The following HAVCR2 variants were observed in gnomAD, a reference collection of about 807,000 sequenced individuals.
HAVCR2 encodes the protein T cell immunoglobulin mucin 3.
In HAVCR2, 13 loss-of-function variants were observed where a neutral mutation model predicts 24.7. That is an observed-to-expected ratio of 0.53 (90% confidence interval 0.34 to 0.84). HAVCR2 has a LOEUF of 0.84. HAVCR2 is among the 40% of genes least tolerant of loss of function. The probability of loss-of-function intolerance (pLI) is 0.01; values close to 1 mark genes in which losing one functional copy is unlikely to be tolerated. For missense variants in HAVCR2, 343 were observed against 371.2 expected (o/e 0.92, Z 0.62); for synonymous variants, 154 against 143.4 (o/e 1.07, Z -0.53).
At chr5:157,105,211 T>G (rs1424043787) in intron 2 of HAVCR2, among the ~76,000 whole-genome samples, 1 of 151,968 alleles carries the variant, frequency 6.6e-6, no homozygotes, top group Non-Finnish European at 1.5e-5. Context: ...ACTACAGGCA[T>G]GTGCAACCAC....
At position 157,101,678 on chromosome 5, in the gene HAVCR2, C is replaced by T. The variant is rs79822429; in HGVS notation, c.479-2777G>A. Among the ~76,000 whole-genome samples, 636 of 152,258 alleles carry T rather than the reference C, an allele frequency of 4.2e-3. 8 individuals carry two copies. The highest frequency in any genetic ancestry group is 0.014 in the African/African-American group (598 of 41,556). ...TAGAGCTGAGGACTCACCTGTGACC[C>T]AGTCCTTACTCCTTCAGGTAGAAGA... On this transcript the variant is annotated intron_variant, in intron 3 of 6. Transcript: ENST00000307851.
intron 4 of HAVCR2, among the ~76,000 whole-genome samples, chr5:157,097,894 C>G (rs914211473): frequency 5.9e-5 from 9 of 152,046 alleles, no homozygotes; most frequent in African/African-American, 2.2e-4. Flanking sequence ...GTCACTGCGC[C>G]CAGCCAGTTT....
rs1158576032 is a variant in HAVCR2, at chr5:157,085,846, A to AT, written c.*1255dup. 6 of 152,178 alleles carry AT rather than the reference A, an allele frequency of 3.9e-5. No individual in the cohort carries two copies. Among genetic ancestry groups the AT allele is most frequent in the African/African-American group, 1.4e-4 (6 of 41,434 alleles). 9.4% of individuals were successfully genotyped at this position (152,178 alleles called of 1,614,324 possible). A position where few individuals can be genotyped will look rare whatever the true frequency, so the allele number is the denominator to read the frequency against. ...AACAAACAAAAAACAGTAAAAAAAA[A>AT]TTTTTAGTAAGTTCCAATTGTGTGT... On this transcript the variant is annotated 3_prime_UTR_variant, in exon 7 of 7. Coordinates refer to ENST00000307851, the MANE Select transcript of HAVCR2 (RefSeq NM_032782.5).
In HAVCR2 at chr5:157,092,672, C is replaced by G. The variant is rs1463046004; in HGVS notation, c.676+2634G>C. ...CGTTGGTCAGGCTGGTCTCAAACTC[C>G]CAGCCTCAGGTTATCCACTCACCTC... On this transcript the variant is annotated intron_variant, in intron 5 of 6. Coordinates refer to ENST00000307851, the MANE Select transcript of HAVCR2 (RefSeq NM_032782.5). Among the ~76,000 whole-genome samples the G allele has an allele frequency of 2.0e-5, 3 of 151,466 alleles. No homozygotes were observed. The East Asian group carries it at 5.9e-4, about 30-fold the overall frequency.
At position 157,106,742 on chromosome 5, in the gene HAVCR2, C is replaced by T. The variant is rs1349370000; in HGVS notation, c.279G>A (p.Val93=). ...GAGTCACATTCTCTATGGTCAGGGA[C>T]ACATCTCCTTTGCGGAAATCCCCAT... is the stretch of plus-strand genomic sequence containing the variant. ...WLNGDFRKGD[V]SLTIENVTLA... is the part of the protein sequence containing the mutation. The change falls in exon 2 of 7, where the codon GTG becomes GTA. Residue 93 remains valine (V), a synonymous_variant. Transcript: ENST00000307851. 6.2e-7 allele frequency: 1 copy of T among 1,614,176 alleles called. No individual in the cohort carries two copies.
At chr5:157,108,878 T>A in intron 1 of HAVCR2, 48 bp downstream of exon 1, 2 of 1,578,678 alleles carry the variant, frequency 1.3e-6, no homozygotes, top group East Asian at 4.5e-5. Flanking sequence ...TCCCTTGTCC[T>A]CTGTACAGCA....
chr5:157,098,750 G>A, intron 4 of HAVCR2, 108 bp downstream of exon 4: 1 of 951,292 alleles, frequency 1.1e-6, no homozygotes, highest in Non-Finnish European at 1.6e-6. Flanking sequence ...GAAGCTAAGG[G>A]AACTTAAGGC....
intron 3 of HAVCR2, among the ~76,000 whole-genome samples, chr5:157,104,249 G>T (rs1394809144): frequency 6.6e-6 from 1 of 152,082 alleles, no homozygotes; most frequent in East Asian, 1.9e-4. Flanking sequence ...GAAGGTGATG[G>T]GCTTTATTCT....
chr5:157,104,563 G>C, intron 3 of HAVCR2, 103 bp downstream of exon 3: 1 of 735,348 alleles, frequency 1.4e-6, no homozygotes, highest in Admixed American at 2.4e-5. Flanking sequence ...AGATATCCAT[G>C]CCTCCACTCT....
chr5:157,098,803 C>T lies in HAVCR2; in HGVS notation c.522+55G>A, dbSNP rs375075887. The T allele has an allele frequency of 7.8e-6, 12 of 1,531,698 alleles. No homozygotes were observed. In the African/African-American group the frequency reaches 1.1e-4, roughly 14 times the overall value. 94.9% of individuals were successfully genotyped at this position (1,531,698 alleles called of 1,614,324 possible). A position where few individuals can be genotyped will look rare whatever the true frequency, so the allele number is the denominator to read the frequency against. ...AGGTGGGCATGAAGGAAGTCTAAAG[C>T]CATGATTTCCCCTCCAAGTTGAGTA... On this transcript the variant is annotated intron_variant, in intron 4 of 6. Coordinates refer to ENST00000307851, the MANE Select transcript of HAVCR2 (RefSeq NM_032782.5).
At chr5:157,101,844 G>A (rs556048522) in intron 3 of HAVCR2, among the ~76,000 whole-genome samples, 55 of 150,232 alleles carry the variant, frequency 3.7e-4, no homozygotes, top group African/African-American at 1.3e-3. Flanking sequence ...GCACCAACTC[G>A]GCTCAGTGAA....
At position 157,089,013 on chromosome 5, in the gene HAVCR2, T is replaced by C. The variant is rs759897644; in HGVS notation, c.677-36A>G. 2.5e-6 allele frequency: 4 copies of C among 1,571,622 alleles called. No individual in the cohort carries two copies. The South Asian group carries it at 4.6e-5, about 18-fold the overall frequency. On this transcript the variant is annotated intron_variant, in intron 5 of 6. Transcript: ENST00000307851. ...GGAAACAAAAGCCAATAAAAATGCA[T>C]TCATAAAATAAATGAGACAAGAAAT...
chr5:157,108,801 G>A (rs1163959477), intron 1 of HAVCR2, 125 bp downstream of exon 1: 24 of 718,702 alleles, frequency 3.3e-5, no homozygotes, highest in Non-Finnish European at 5.0e-5. Context: ...CCTCATCGAC[G>A]GACATTTAGG....
chr5:157,097,703 G>T (rs572960688), intron 4 of HAVCR2, among the ~76,000 whole-genome samples: 1 of 152,192 alleles, frequency 6.6e-6, no homozygotes, highest in South Asian at 2.1e-4. Context: ...GGATTCAAGC[G>T]ATTCTCCTGT....
intron 3 of HAVCR2, among the ~76,000 whole-genome samples, chr5:157,099,205 C>G (rs190970284): frequency 5.9e-4 from 90 of 152,060 alleles, no homozygotes; most frequent in Non-Finnish European, 9.7e-4. Flanking sequence ...TTCACAGGAC[C>G]CTAATGAGTT....
intron 6 of HAVCR2, among the ~76,000 whole-genome samples, chr5:157,088,317 T>C (rs1226288988): frequency 1.3e-5 from 2 of 152,152 alleles, no homozygotes; most frequent in Non-Finnish European, 2.9e-5. Flanking sequence ...TTGAAATGGA[T>C]GTGTGGGTGT....
chr5:157,094,691 T>G (rs1757066819), intron 5 of HAVCR2, among the ~76,000 whole-genome samples: 1 of 151,528 alleles, frequency 6.6e-6, no homozygotes, highest in Admixed American at 6.6e-5. Context: ...CCTGTTTTTT[T>G]GTTTTTGTTT....
At chr5:157,105,038 T>C (rs1247811924) in intron 2 of HAVCR2, 1 of 184,408 alleles carries the variant, frequency 5.4e-6, no homozygotes, top group East Asian at 1.4e-4. Flanking sequence ...CTGAAATGCT[T>C]GAGATCAGAA....
In HAVCR2 at chr5:157,087,304, T is replaced by C. The variant is rs115249274; in HGVS notation, c.714-10A>G. The C allele has an allele frequency of 1.8e-4, 289 of 1,599,290 alleles. No individual in the cohort carries two copies. In the African/African-American group the frequency reaches 3.5e-3, roughly 19 times the overall value. On this transcript the variant is annotated splice_polypyrimidine_tract_variant and intron_variant, in intron 6 of 6. Transcript: ENST00000307851. ...GGCCAAAGAGATGAGGCTGTGGAAA[T>C]AAAGTGTTGCGGTTGAGTTAAGCAT... is the stretch of plus-strand genomic sequence containing the variant.
Sources: gnomAD v4.1 joint callset for allele counts (sites outside exome capture counted in the v4.1 genomes callset) on GRCh38, gnomAD v4.1.1 for gene constraint, MANE v1.5 for transcripts, NCBI Gene and HGNC (gene_info 2026-07-23, HGNC 2026-07-21) for gene names.